FCF1: variants seen among roughly 807,000 people sequenced by gnomAD.
The protein encoded by FCF1 is FCF1 rRNA-processing protein.
A neutral mutation model predicts 32.5 loss-of-function variants in FCF1; 17 were observed. The observed-to-expected ratio is 0.52, with a 90% CI of 0.36 to 0.78. The LOEUF is 0.78. FCF1 is among the 30% of genes least tolerant of loss of function. The pLI is 0.00. For synonymous variants in FCF1, 84 were observed against 78.4 expected (o/e 1.07, Z -0.38); for missense variants, 201 against 241.1 (o/e 0.83, Z 1.10).
intron 4 of FCF1, among the ~76,000 whole-genome samples, chr14:74,720,923 G>A (rs1402307922): frequency 1.3e-5 from 2 of 150,086 alleles, no homozygotes; most frequent in African/African-American, 2.5e-5. Flanking sequence ...CTGTCACCCA[G>A]GCTGGAGTGC....
chr14:74,714,322 G>A (rs1041268795), intron 2 of FCF1, among the ~76,000 whole-genome samples: 2 of 152,176 alleles, frequency 1.3e-5, no homozygotes, highest in African/African-American at 4.8e-5. Flanking sequence ...CAGAATAAGA[G>A]AATAGTCGTT....
intron 4 of FCF1, among the ~76,000 whole-genome samples, chr14:74,717,513 C>T (rs1437736950): frequency 6.6e-6 from 1 of 152,112 alleles, no homozygotes; most frequent in Non-Finnish European, 1.5e-5. Flanking sequence ...ATTGTTTTTT[C>T]ATATAGGCCT....
At chr14:74,713,283 C>T in intron 1 of FCF1, 83 bp downstream of exon 1, 2 of 1,613,938 alleles carry the variant, frequency 1.2e-6, no homozygotes, top group Non-Finnish European at 1.7e-6. Context: ...GGCCAAATTT[C>T]CTTCACATTA....
rs1310713030 is a variant in FCF1, at chr14:74,735,645, TG to T, written c.*716del. ...GTGCAGTGGCGTGATCTGGGCTCAC[TG>T]CAACCCCTGCCTCCCATCCTTCAAG... On this transcript the variant is annotated 3_prime_UTR_variant, in exon 8 of 8. Transcript: ENST00000341162. 6.6e-6 allele frequency: 1 copy of T among 151,588 alleles called. No individual in the cohort carries two copies. The highest frequency in any genetic ancestry group is 2.4e-5 in the African/African-American group (1 of 41,130). The allele number at this position is 151,588 out of a possible 1,614,324, so 9.4% of individuals were successfully genotyped here. A position where few individuals can be genotyped will look rare whatever the true frequency, so the allele number is the denominator to read the frequency against.
In FCF1 at chr14:74,734,963, C is replaced by T. The variant is rs764425077; in HGVS notation, c.*33C>T. 151 of 1,582,956 alleles carry T rather than the reference C, an allele frequency of 9.5e-5. No homozygotes were observed. The highest frequency in any genetic ancestry group is 1.2e-4 in the Non-Finnish European group (143 of 1,152,144). The stretch of plus-strand genomic sequence containing the variant: ...AAGACACAGTTCCTCTGCCTTTCTT[C>T]GACCAACTTTCTCTTGTTGCCAGTT... On this transcript the variant is annotated 3_prime_UTR_variant, in exon 8 of 8. Coordinates refer to ENST00000341162, the MANE Select transcript of FCF1 (RefSeq NM_015962.5).
At chr14:74,715,394 T>C (rs183152367) in intron 3 of FCF1, among the ~76,000 whole-genome samples, 401 of 152,338 alleles carry the variant, frequency 2.6e-3, no homozygotes, top group Non-Finnish European at 4.5e-3. Context: ...ATTTTCCTTA[T>C]TTTTCTAATT....
At chr14:74,729,112 C>T (rs1470235787) in intron 5 of FCF1, among the ~76,000 whole-genome samples, 1 of 152,174 alleles carries the variant, frequency 6.6e-6, no homozygotes, top group Non-Finnish European at 1.5e-5. Flanking sequence ...TGATGCTGGC[C>T]TCATAAAATG....
rs956836879 is a variant in FCF1 at position 74,723,140 on chromosome 14, A to G, written c.293-132A>G. 7.6e-6 allele frequency: 5 copies of G among 656,754 alleles called. No homozygotes were observed. The East Asian group carries it at 1.2e-4, about 15-fold the overall frequency. The allele number at this position is 656,754 out of a possible 1,614,324, so 40.7% of individuals were successfully genotyped here. ...TTTCTTCTACTCTAGTTCTTCTTGTATATTTCAGTGTGCTAATTCTGCTGT... is the reference window on the plus strand; with the variant it reads ...TTTCTTCTACTCTAGTTCTTCTTGTGTATTTCAGTGTGCTAATTCTGCTGT... On this transcript the variant is annotated intron_variant, in intron 4 of 7. Transcript: ENST00000341162.
At position 74,713,571 on chromosome 14, in the gene FCF1, C is replaced by T. The variant is rs2140014079; in HGVS notation, c.71+19C>T. ...AGAGGCTGTGAGTGTCTGGAATCAACTGCCCAGGGATATTCTAATAAGAGT... is the reference window on the plus strand; with the variant it reads ...AGAGGCTGTGAGTGTCTGGAATCAATTGCCCAGGGATATTCTAATAAGAGT... On this transcript the variant is annotated intron_variant, in intron 2 of 7. Transcript: ENST00000341162. The T allele has an allele frequency of 6.3e-7, 1 of 1,598,104 alleles. No individual in the cohort carries two copies. The highest frequency in any genetic ancestry group is 2.2e-5 in the East Asian group (1 of 44,806).
chr14:74,717,686 T>G lies in FCF1; in HGVS notation c.292+1587T>G, dbSNP rs377595840. ...AGTCTCTTTGTATTTCCCATGGTAT[T>G]TCTAATTGAGCTGCTTCTCCAGGAA... On this transcript the variant is annotated intron_variant, in intron 4 of 7. Transcript: ENST00000341162. Among the ~76,000 whole-genome samples the G allele has an allele frequency of 1.1e-4, 16 of 152,176 alleles. No individual in the cohort carries two copies. The East Asian group carries it at 2.9e-3, about 27-fold the overall frequency.
At chr14:74,713,628 G>A in intron 2 of FCF1, 76 bp downstream of exon 2, 6 of 1,361,808 alleles carry the variant, frequency 4.4e-6, no homozygotes, top group Non-Finnish European at 5.1e-6. Context: ...AATGTTTGTT[G>A]TTATTATTTT....
At position 74,719,575 on chromosome 14, in the gene FCF1, A is replaced by T. The variant is rs567722087; in HGVS notation, c.292+3476A>T. Among the ~76,000 whole-genome samples, 7 of 152,232 alleles carry T rather than the reference A, an allele frequency of 4.6e-5. No individual in the cohort carries two copies. The East Asian group carries it at 1.4e-3, about 29-fold the overall frequency. On this transcript the variant is annotated intron_variant, in intron 4 of 7. Transcript: ENST00000341162. ...CAGGAGTTTGAGACCAGCCTGGCCA[A>T]CATGGCAAAACCCTATCTCTACCAA...
chr14:74,731,762 T>G (rs942985733), intron 5 of FCF1, among the ~76,000 whole-genome samples: 1 of 152,192 alleles, frequency 6.6e-6, no homozygotes, highest in Non-Finnish European at 1.5e-5. Flanking sequence ...CCAACCCACA[T>G]TGACCTAGCG....
At chr14:74,717,723 A>G (rs1170492100) in intron 4 of FCF1, among the ~76,000 whole-genome samples, 1 of 152,188 alleles carries the variant, frequency 6.6e-6, no homozygotes, top group Non-Finnish European at 1.5e-5. Flanking sequence ...GCTGTGACCT[A>G]CTTATCAATG....
At chr14:74,722,780 AT>A (rs1186407127) in intron 4 of FCF1, among the ~76,000 whole-genome samples, 1 of 151,748 alleles carries the variant, frequency 6.6e-6, no homozygotes, top group East Asian at 1.9e-4. Context: ...CAAAAAAAAA[AT>A]GTTTTTTTTT....
chr14:74,734,046 A>G, intron 6 of FCF1, 30 bp from the exon 7 acceptor site: 1 of 1,458,578 alleles, frequency 6.9e-7, no homozygotes, highest in Non-Finnish European at 9.6e-7. Flanking sequence ...CAGTGACCTC[A>G]GTGTGAACAT....
At chr14:74,725,614 C>A (rs1024130144) in intron 5 of FCF1, among the ~76,000 whole-genome samples, 2 of 151,694 alleles carry the variant, frequency 1.3e-5, no homozygotes, top group African/African-American at 4.8e-5. Flanking sequence ...CATAATGAGA[C>A]CCTGGCTCTA....
intron 3 of FCF1, 131 bp from the exon 4 acceptor site, chr14:74,715,820 G>T: frequency 6.3e-7 from 1 of 1,594,672 alleles, no homozygotes; most frequent in African/African-American, 1.3e-5. Flanking sequence ...TTCCTTTTTA[G>T]GATTTATTTC....
chr14:74,728,550 C>T (rs1023625830), intron 5 of FCF1, among the ~76,000 whole-genome samples: 20 of 152,032 alleles, frequency 1.3e-4, no homozygotes, highest in African/African-American at 3.9e-4. Flanking sequence ...CGTCTGCAAA[C>T]GGACAATTTG....
Sources: gnomAD v4.1 joint callset for allele counts (sites outside exome capture counted in the v4.1 genomes callset) on GRCh38, gnomAD v4.1.1 for gene constraint, MANE v1.5 for transcripts, NCBI Gene and HGNC (gene_info 2026-07-23, HGNC 2026-07-21) for gene names.